The following MAPK10 variants were observed in gnomAD, a reference collection of about 807,000 sequenced individuals.
The protein encoded by MAPK10 is mitogen-activated protein kinase 10.
Under a neutral mutation model 59.3 loss-of-function variants are expected in MAPK10, and 25 were observed. The observed-to-expected ratio is 0.42, with a 90% CI of 0.31 to 0.59. The LOEUF is 0.59. Ranked by LOEUF, MAPK10 falls within the 20% of genes least tolerant of loss-of-function variation. MAPK10 has a pLI of 0.15. For missense variants in MAPK10, 351 were observed against 568.9 expected, an observed-to-expected ratio of 0.62 and a Z score of 3.90; for synonymous variants, 190 against 200.5, an observed-to-expected ratio of 0.95 and a Z score of 0.44.
At chr4:86,488,968 G>A (rs1262016430) in intron 1 of MAPK10, among the ~76,000 whole-genome samples, 3 of 152,198 alleles carry the variant, frequency 2.0e-5, no homozygotes, top group African/African-American at 7.2e-5. Flanking sequence ...AAAAGTGTTT[G>A]CGCATTCGGG....
At chr4:86,359,284 CTCTCTGTGTGTGTGTGTGTG>C (rs1198257890) in intron 1 of MAPK10, among the ~76,000 whole-genome samples, 1 of 132,940 alleles carries the variant, frequency 7.5e-6, no homozygotes, top group African/African-American at 3.0e-5. Flanking sequence ...CTCTCTCTCT[CTCTCTGTGTGTGTGTGTGTG>C]TGTGTGTGTG....
At chr4:86,178,189 T>TA (rs1424403433) in intron 3 of MAPK10, among the ~76,000 whole-genome samples, 1 of 152,122 alleles carries the variant, frequency 6.6e-6, no homozygotes, top group East Asian at 1.9e-4. Context: ...AAAAGTATCT[T>TA]AGGTTCCTTT....
intron 3 of MAPK10, chr4:86,191,482 C>T (rs2079763968): frequency 6.7e-6 from 1 of 150,076 alleles, no homozygotes; most frequent in Admixed American, 6.7e-5. Flanking sequence ...TTGCATTGAC[C>T]CCTTTACCTT....
chr4:86,379,898 G>T (rs1740424970), intron 1 of MAPK10, among the ~76,000 whole-genome samples: 1 of 152,090 alleles, frequency 6.6e-6, no homozygotes, highest in Non-Finnish European at 1.5e-5. Flanking sequence ...CTGGGTTAGG[G>T]TATCCCTGAC....
chr4:86,356,142 T>C (rs1734360982), intron 1 of MAPK10, among the ~76,000 whole-genome samples: 1 of 152,148 alleles, frequency 6.6e-6, no homozygotes, highest in Admixed American at 6.6e-5. Context: ...CCAATTGCCT[T>C]ATAGGGAAGC....
At chr4:86,152,634 A>T (rs553884045) in intron 4 of MAPK10, 1 of 152,338 alleles carries the variant, frequency 6.6e-6, no homozygotes, top group East Asian at 1.9e-4. Flanking sequence ...CAGACTCTAG[A>T]AACAGAAAGT....
At chr4:86,143,081 G>A (rs1164391614) in intron 4 of MAPK10, among the ~76,000 whole-genome samples, 1 of 152,146 alleles carries the variant, frequency 6.6e-6, no homozygotes, top group Non-Finnish European at 1.5e-5. Context: ...TTACAATCAT[G>A]GCAGAAGGCA....
intron 9 of MAPK10, chr4:86,079,580 G>C (rs1190038189): frequency 6.6e-6 from 1 of 152,120 alleles, no homozygotes; most frequent in African/African-American, 2.4e-5. Flanking sequence ...AATGAGAAGA[G>C]GCCTTGGAGA....
intron 1 of MAPK10, among the ~76,000 whole-genome samples, chr4:86,519,451 TGTG>T (rs960865059): frequency 6.6e-6 from 1 of 152,194 alleles, no homozygotes; most frequent in Non-Finnish European, 1.5e-5. Flanking sequence ...CCTGATGACT[TGTG>T]GTTTCCATTT....
chr4:86,263,074 C>G (rs979083463), intron 2 of MAPK10, among the ~76,000 whole-genome samples: 4 of 152,190 alleles, frequency 2.6e-5, no homozygotes, highest in African/African-American at 9.7e-5. Flanking sequence ...TGATATGACC[C>G]TCTCCACACT....
At chr4:86,353,436 A>G (rs2148967004) in intron 2 of MAPK10, among the ~76,000 whole-genome samples, 1 of 152,312 alleles carries the variant, frequency 6.6e-6, no homozygotes, top group South Asian at 2.1e-4. Flanking sequence ...AACACATAAT[A>G]TATTAGTTTC....
intron 1 of MAPK10, among the ~76,000 whole-genome samples, chr4:86,509,749 A>G (rs916325940): frequency 1.3e-5 from 2 of 152,200 alleles, no homozygotes; most frequent in African/African-American, 4.8e-5. Flanking sequence ...TAGATTATCT[A>G]TTAGGGAAAA....
At chr4:86,285,077 T>C (rs1225551235) in intron 2 of MAPK10, among the ~76,000 whole-genome samples, 2 of 152,206 alleles carry the variant, frequency 1.3e-5, no homozygotes, top group East Asian at 3.9e-4. Context: ...GTTGTGGCTT[T>C]TCATATTTTC....
At chr4:86,033,310 G>A (rs998533594) in intron 11 of MAPK10, among the ~76,000 whole-genome samples, 3 of 152,158 alleles carry the variant, frequency 2.0e-5, no homozygotes, top group Non-Finnish European at 4.4e-5. Context: ...CTATCCAAGC[G>A]ACCTTGTCCA....
intron 1 of MAPK10, among the ~76,000 whole-genome samples, chr4:86,460,070 T>C (rs1314065835): frequency 1.3e-5 from 2 of 152,170 alleles, no homozygotes; most frequent in Non-Finnish European, 2.9e-5. Context: ...AAATCTATCA[T>C]TAAATCTTTG....
At position 86,025,607 on chromosome 4, in the gene MAPK10, A is replaced by C. The variant is rs1560655808; in HGVS notation, c.1252+3590T>G. 9 of 397,476 alleles carry C rather than the reference A, an allele frequency of 2.3e-5. No homozygotes were observed. In the Middle Eastern group the frequency reaches 2.5e-3, roughly 110 times the overall value. 24.6% of individuals were successfully genotyped at this position (397,476 alleles called of 1,614,324 possible). A position where few individuals can be genotyped will look rare whatever the true frequency, so the allele number is the denominator to read the frequency against. ...TTAAGAGAAAACAGTAGAGATACACATTTTCAAAAATGTTTTGCCATCAAT... is the reference window on the plus strand; with the variant it reads ...TTAAGAGAAAACAGTAGAGATACACCTTTTCAAAAATGTTTTGCCATCAAT... On this transcript the variant is annotated intron_variant, in intron 13 of 13. Coordinates refer to ENST00000641462, the MANE Select transcript of MAPK10 (RefSeq NM_138982.4).
intron 1 of MAPK10, among the ~76,000 whole-genome samples, chr4:86,390,688 CAA>C (rs1579035059): frequency 1.3e-5 from 2 of 152,194 alleles, no homozygotes; most frequent in East Asian, 1.9e-4. Context: ...GATATGGGTA[CAA>C]GAGAGAGGGA....
chr4:86,235,271 G>C (rs1041104144), intron 2 of MAPK10, among the ~76,000 whole-genome samples: 1 of 152,182 alleles, frequency 6.6e-6, no homozygotes, highest in Non-Finnish European at 1.5e-5. Flanking sequence ...TCAAAAGGGA[G>C]ATTCAGTTTT....
intron 10 of MAPK10, 97 bp downstream of exon 10, chr4:86,067,676 A>G: frequency 9.6e-7 from 1 of 1,044,940 alleles, no homozygotes; most frequent in South Asian, 2.1e-5. Flanking sequence ...CTAAAAATAA[A>G]AGGGAACAAA....
Sources: allele counts gnomAD v4.1 joint callset (sites outside exome capture counted in the v4.1 genomes callset), GRCh38; gene constraint gnomAD v4.1.1; transcripts MANE v1.5; gene names NCBI Gene and HGNC (gene_info 2026-07-23, HGNC 2026-07-21).